TUBA1B: variants seen among roughly 807,000 people sequenced by gnomAD.
TUBA1B encodes the protein tubulin alpha 1b.
Under a neutral mutation model 34.4 loss-of-function variants are expected in TUBA1B, and 1 was observed. That is an observed-to-expected ratio of 0.03 (90% confidence interval 0.01 to 0.14). The LOEUF (loss-of-function observed/expected upper bound fraction) is 0.14, where lower values mean the gene tolerates loss of function less well. TUBA1B is among the 10% of genes least tolerant of loss of function. TUBA1B has a pLI of 1.00. For missense variants in TUBA1B, 54 were observed against 583.6 expected (o/e 0.09, Z 9.35); for synonymous variants, 197 against 212.5 (o/e 0.93, Z 0.64).
In TUBA1B at chr12:49,130,395, C is replaced by G. The variant is rs561486183; in HGVS notation, c.4-673G>C. 688 of 1,280,272 alleles carry G rather than the reference C, an allele frequency of 5.4e-4. 7 individuals are homozygous for G. In the African/African-American group the frequency reaches 9.7e-3, roughly 18 times the overall value. 79.3% of individuals were successfully genotyped at this position (1,280,272 alleles called of 1,614,324 possible). On this transcript the variant is annotated intron_variant, in intron 1 of 3. Transcript: ENST00000336023. ...TCCGGGCGCGCGCTCTTGCGCCCCCCGGCGGTGCTGCAGAGGCACGAAATG... is the reference window on the plus strand; with the variant it reads ...TCCGGGCGCGCGCTCTTGCGCCCCCGGGCGGTGCTGCAGAGGCACGAAATG...
At position 49,127,951 on chromosome 12, in the gene TUBA1B, T is replaced by A; in HGVS notation, c.*7A>T. 1 of 1,613,988 alleles carries A rather than the reference T, an allele frequency of 6.2e-7. No individual in the cohort carries two copies. On this transcript the variant is annotated 3_prime_UTR_variant, in exon 4 of 4. Coordinates refer to ENST00000336023, the MANE Select transcript of TUBA1B (RefSeq NM_006082.3). ...TGACATGCTGCAGGGCCAAAAGGAA[T>A]GGATAATTAGTATTCCTCTCCTTCT... is the stretch of plus-strand genomic sequence containing the variant.
intron 1 of TUBA1B, chr12:49,130,919 G>T: frequency 5.2e-6 from 1 of 192,480 alleles, no homozygotes; most frequent in Non-Finnish European, 1.1e-5. Context: ...AGTGAGGGCT[G>T]GAAGAGTCCG....
intron 1 of TUBA1B, chr12:49,130,250 A>C (rs754557421): frequency 7.8e-7 from 1 of 1,288,880 alleles, no homozygotes; most frequent in South Asian, 1.2e-5. Context: ...ACTTTAGACT[A>C]GGTGGTCACA....
At chr12:49,131,111 G>T in intron 1 of TUBA1B, 187 bp downstream of exon 1, 3 of 614,190 alleles carry the variant, frequency 4.9e-6, no homozygotes. Flanking sequence ...CGACCTTTCC[G>T]GGCCCCCGCT....
intron 1 of TUBA1B, 126 bp from the exon 2 acceptor site, chr12:49,129,848 G>A: frequency 1.4e-6 from 2 of 1,463,282 alleles, no homozygotes; most frequent in Non-Finnish European, 1.8e-6. Context: ...TGAGTGCAGT[G>A]ATGCCATCTA....
Position 49,127,912 on chromosome 12 carries a change from A to C in TUBA1B, c.*46T>G, listed in dbSNP as rs368540563. On this transcript the variant is annotated 3_prime_UTR_variant, in exon 4 of 4. Coordinates refer to ENST00000336023, the MANE Select transcript of TUBA1B (RefSeq NM_006082.3). Reference sequence around the variant, plus strand: ...ACGTCTGTCAGTTAAGCTGAAGCTGAAATTCTGGGAGCATGACATGCTGCA... The same window carrying C: ...ACGTCTGTCAGTTAAGCTGAAGCTGCAATTCTGGGAGCATGACATGCTGCA... 1.5e-5 allele frequency: 24 copies of C among 1,613,604 alleles called. No individual in the cohort carries two copies. In the South Asian group the frequency reaches 1.8e-4, roughly 12 times the overall value.
In TUBA1B at chr12:49,129,650, G is replaced by A; in HGVS notation, c.76C>T (p.Leu26=). 1.2e-6 allele frequency: 2 copies of A among 1,614,226 alleles called. No individual in the cohort carries two copies. Among genetic ancestry groups the A allele is most frequent in the South Asian group, 2.2e-5 (2 of 91,084 alleles). ...IGNACWELYC[L]EHGIQPDGQM... ...CCATCGGGCTGGATGCCGTGTTCCAGGCAGTAGAGCTCCCAGCAGGCATTG... is the reference window on the plus strand; with the variant it reads ...CCATCGGGCTGGATGCCGTGTTCCAAGCAGTAGAGCTCCCAGCAGGCATTG... The change falls in exon 2 of 4, where the codon CTG becomes TTG. Residue 26 remains leucine (L), a synonymous_variant. Transcript: ENST00000336023.
Position 49,127,911 on chromosome 12 carries a change from G to C in TUBA1B, c.*47C>G. The stretch of plus-strand genomic sequence containing the variant: ...AACGTCTGTCAGTTAAGCTGAAGCT[G>C]AAATTCTGGGAGCATGACATGCTGC... On this transcript the variant is annotated 3_prime_UTR_variant, in exon 4 of 4. Coordinates refer to ENST00000336023, the MANE Select transcript of TUBA1B (RefSeq NM_006082.3). 6.2e-7 allele frequency: 1 copy of C among 1,613,674 alleles called. No homozygotes were observed.
chr12:49,131,369 G>A lies in TUBA1B; in HGVS notation c.-69C>T, dbSNP rs1050403881. ...GGGTCCCGGTTACCGTCCCCGACAA[G>A]CTAAGAGTCGAGGTAAGTAACGCAC... On this transcript the variant is annotated 5_prime_UTR_variant, in exon 1 of 4. Coordinates refer to ENST00000336023, the MANE Select transcript of TUBA1B (RefSeq NM_006082.3). 24 of 1,583,788 alleles carry A rather than the reference G, an allele frequency of 1.5e-5. 1 individual carries two copies. The Admixed American group carries it at 1.7e-4, about 12-fold the overall frequency.
At chr12:49,129,446 G>A in intron 2 of TUBA1B, 54 bp downstream of exon 2, 1 of 1,613,810 alleles carries the variant, frequency 6.2e-7, no homozygotes, top group South Asian at 1.1e-5. Context: ...GAAGCCCCTG[G>A]ACAGACCTCC....
In TUBA1B at chr12:49,127,827, A is replaced by G. The variant is rs1941763789; in HGVS notation, c.*131T>C. 1 of 1,365,906 alleles carries G rather than the reference A, an allele frequency of 7.3e-7. No individual in the cohort carries two copies. The allele number at this position is 1,365,906 out of a possible 1,614,324, so 84.6% of individuals were successfully genotyped here. Reference sequence around the variant, plus strand: ...CTTTGAGATATGATGGAAAAATATTACAGGTACACATGGAAAAGACATGAT... The same window carrying G: ...CTTTGAGATATGATGGAAAAATATTGCAGGTACACATGGAAAAGACATGAT... On this transcript the variant is annotated 3_prime_UTR_variant, in exon 4 of 4. Coordinates refer to ENST00000336023, the MANE Select transcript of TUBA1B (RefSeq NM_006082.3).
chr12:49,127,880 A>C lies in TUBA1B; in HGVS notation c.*78T>G. 1.2e-6 allele frequency: 2 copies of C among 1,601,148 alleles called. No individual in the cohort carries two copies. The highest frequency in any genetic ancestry group is 1.7e-6 in the Non-Finnish European group (2 of 1,171,212). On this transcript the variant is annotated 3_prime_UTR_variant, in exon 4 of 4. Transcript: ENST00000336023. ...CCAAGTGAAAACAATCTAACCAGAA[A>C]GCTTTAACGTCTGTCAGTTAAGCTG...
rs1486540792 is a variant in TUBA1B, at chr12:49,131,353, T to C, written c.-53A>G. ...GACAGGAGCAGACACCGGGTCCCGG[T>C]TACCGTCCCCGACAAGCTAAGAGTC... is the stretch of plus-strand genomic sequence containing the variant. On this transcript the variant is annotated 5_prime_UTR_variant, in exon 1 of 4. Coordinates refer to ENST00000336023, the MANE Select transcript of TUBA1B (RefSeq NM_006082.3). 32 of 1,604,828 alleles carry C rather than the reference T, an allele frequency of 2.0e-5. No individual in the cohort carries two copies. The highest frequency in any genetic ancestry group is 2.7e-5 in the African/African-American group (2 of 74,796).
chr12:49,129,859 G>T (rs1941781199), intron 1 of TUBA1B, 137 bp from the exon 2 acceptor site: 1 of 1,411,656 alleles, frequency 7.1e-7, no homozygotes, highest in Admixed American at 2.1e-5. Flanking sequence ...ATGCCATCTA[G>T]GCTCACTGCA....
chr12:49,129,377 A>C lies in TUBA1B; in HGVS notation c.240T>G (p.Thr80=), dbSNP rs761785799. Residue 80 remains threonine (T), a synonymous_variant, in exon 3 of 4, where the codon ACT becomes ACG. Coordinates refer to ENST00000336023, the MANE Select transcript of TUBA1B (RefSeq NM_006082.3). ...GGTGGAAGAGCTGGCGGTAGGTGCCAGTGCGAACTTCATCTGGAGGAGGGA... is the reference window on the plus strand; with the variant it reads ...GGTGGAAGAGCTGGCGGTAGGTGCCCGTGCGAACTTCATCTGGAGGAGGGA... The part of the protein sequence containing the change: ...LEPTVIDEVR[T]GTYRQLFHPE... 1.3e-5 allele frequency: 21 copies of C among 1,614,084 alleles called. No homozygotes were observed. The highest frequency in any genetic ancestry group is 1.7e-5 in the Non-Finnish European group (20 of 1,180,038).
At position 49,131,293 on chromosome 12, in the gene TUBA1B, C is replaced by T. The variant is rs1225473009; in HGVS notation, c.3+5G>A. On this transcript the variant is annotated splice_donor_5th_base_variant and intron_variant, in intron 1 of 3. Coordinates refer to ENST00000336023, the MANE Select transcript of TUBA1B (RefSeq NM_006082.3). The stretch of plus-strand genomic sequence containing the variant: ...AAGCAGCCGGGAGCCGCACGGCTTA[C>T]TCACCATAGTGGCTAGGGATTAGGA... 1 of 1,611,062 alleles carries T rather than the reference C, an allele frequency of 6.2e-7. No homozygotes were observed. The highest frequency in any genetic ancestry group is 8.5e-7 in the Non-Finnish European group (1 of 1,178,816).
Position 49,131,345 on chromosome 12 carries a change from G to A in TUBA1B, c.-45C>T, listed in dbSNP as rs1344147959. The A allele has an allele frequency of 4.4e-6, 7 of 1,608,122 alleles. No individual in the cohort carries two copies. The highest frequency in any genetic ancestry group is 1.7e-5 in the Admixed American group (1 of 59,302). ...GCGAAGGCGACAGGAGCAGACACCG[G>A]GTCCCGGTTACCGTCCCCGACAAGC... On this transcript the variant is annotated 5_prime_UTR_variant, in exon 1 of 4. Coordinates refer to ENST00000336023, the MANE Select transcript of TUBA1B (RefSeq NM_006082.3).
intron 1 of TUBA1B, chr12:49,130,136 G>C: frequency 8.3e-7 from 1 of 1,200,182 alleles, no homozygotes; most frequent in Non-Finnish European, 1.1e-6. Flanking sequence ...TCCTAAACCG[G>C]GAAGGCCTCC....
chr12:49,131,008 C>G (rs749289266), intron 1 of TUBA1B: 4 of 403,330 alleles, frequency 9.9e-6, no homozygotes, highest in Non-Finnish European at 1.9e-5. Context: ...ACCCAGGACA[C>G]AGTTACGCGA....
Sources: gnomAD v4.1 joint callset for allele counts on GRCh38, gnomAD v4.1.1 for gene constraint, MANE v1.5 for transcripts, NCBI Gene and HGNC (gene_info 2026-07-23, HGNC 2026-07-21) for gene names.